TRIM33: variants seen among roughly 807,000 people sequenced by gnomAD.
TRIM33 encodes tripartite motif containing 33, also known as E3 ubiquitin-protein ligase TRIM33.
A neutral mutation model predicts 125.4 loss-of-function variants in TRIM33; 20 were observed. The ratio of observed to expected loss-of-function variants is 0.16; its 90% CI spans 0.11 to 0.23. The LOEUF is 0.23. Ranked by LOEUF, TRIM33 falls within the 10% of genes least tolerant of loss-of-function variation. The probability of loss-of-function intolerance (pLI) is 1.00; values close to 1 mark genes in which losing one functional copy is unlikely to be tolerated. For missense variants in TRIM33, 920 were observed against 1,411.4 expected, an observed-to-expected ratio of 0.65 and a Z score of 5.58; for synonymous variants, 564 against 513.9, an observed-to-expected ratio of 1.10 and a Z score of -1.32.
At chr1:114,408,277 C>A (rs1652375277) in intron 13 of TRIM33, among the ~76,000 whole-genome samples, 1 of 152,040 alleles carries the variant, frequency 6.6e-6, no homozygotes, top group South Asian at 2.1e-4. Flanking sequence ...AGCTTATTTG[C>A]ATCTGATTCA....
chr1:114,490,113 A>AG (rs1557898466), intron 1 of TRIM33, among the ~76,000 whole-genome samples: 17 of 148,414 alleles, frequency 1.1e-4, no homozygotes, highest in African/African-American at 4.2e-4. Context: ...AAGAAAAGGA[A>AG]AGGAAAGAAA....
chr1:114,431,347 T>A (rs1332659729), intron 5 of TRIM33, among the ~76,000 whole-genome samples: 1 of 152,242 alleles, frequency 6.6e-6, no homozygotes, highest in Non-Finnish European at 1.5e-5. Context: ...TAGAAGCATT[T>A]ATTTTCATTT....
chr1:114,445,795 T>C (rs546267659), intron 4 of TRIM33, among the ~76,000 whole-genome samples: 9 of 152,316 alleles, frequency 5.9e-5, no homozygotes, highest in African/African-American at 1.7e-4. Context: ...ATCTTTTCAA[T>C]GTTGAAAGAA....
intron 10 of TRIM33, among the ~76,000 whole-genome samples, chr1:114,423,182 C>T (rs1011493928): frequency 2.6e-5 from 4 of 152,026 alleles, no homozygotes; most frequent in African/African-American, 7.3e-5. Flanking sequence ...GGAGATATAA[C>T]GATAATTTGG....
At chr1:114,466,463 C>T (rs946397977) in intron 1 of TRIM33, among the ~76,000 whole-genome samples, 3 of 152,190 alleles carry the variant, frequency 2.0e-5, no homozygotes, top group African/African-American at 7.2e-5. Context: ...GGGAGATGAC[C>T]TCTGAGCCCG....
intron 1 of TRIM33, among the ~76,000 whole-genome samples, chr1:114,469,538 T>C (rs1358209854): frequency 1.3e-5 from 2 of 152,188 alleles, no homozygotes; most frequent in Non-Finnish European, 2.9e-5. Flanking sequence ...TTCACTGGCA[T>C]CTGTAAGATA....
intron 4 of TRIM33, among the ~76,000 whole-genome samples, chr1:114,448,242 A>AT (rs1262684073): frequency 6.6e-6 from 1 of 152,186 alleles, no homozygotes; most frequent in Non-Finnish European, 1.5e-5. Context: ...TTCATCTAAG[A>AT]TAACAGAAAT....
At chr1:114,409,852 C>T (rs1449900225) in intron 12 of TRIM33, among the ~76,000 whole-genome samples, 6 of 152,138 alleles carry the variant, frequency 3.9e-5, no homozygotes, top group African/African-American at 1.4e-4. Flanking sequence ...TTCCATAATG[C>T]AAGTGGGCCT....
At chr1:114,484,270 CT>C (rs1382093072) in intron 1 of TRIM33, among the ~76,000 whole-genome samples, 1 of 152,108 alleles carries the variant, frequency 6.6e-6, no homozygotes, top group Non-Finnish European at 1.5e-5. Flanking sequence ...TTCTTTTATA[CT>C]GTTTGAAACT....
At chr1:114,495,270 T>C (rs1167616315) in intron 1 of TRIM33, among the ~76,000 whole-genome samples, 1 of 152,146 alleles carries the variant, frequency 6.6e-6, no homozygotes, top group East Asian at 1.9e-4. Flanking sequence ...ACTCTCAATG[T>C]CTTATACTAG....
At chr1:114,432,110 GT>G (rs1041808908) in intron 5 of TRIM33, among the ~76,000 whole-genome samples, 1 of 152,092 alleles carries the variant, frequency 6.6e-6, no homozygotes, top group Admixed American at 6.5e-5. Context: ...TTTTAATACT[GT>G]TTTTTTAAAA....
intron 4 of TRIM33, among the ~76,000 whole-genome samples, chr1:114,442,779 T>C (rs1165187356): frequency 1.3e-5 from 2 of 151,866 alleles, no homozygotes; most frequent in African/African-American, 4.8e-5. Flanking sequence ...CAAAGGTTCT[T>C]TTAAAGCTAT....
At chr1:114,427,950 A>G in intron 6 of TRIM33, 56 bp from the exon 7 acceptor site, 1 of 1,589,116 alleles carries the variant, frequency 6.3e-7, no homozygotes, top group South Asian at 1.1e-5. Flanking sequence ...AATCAACCCC[A>G]CATTTCTAAT....
rs758039539 is a variant in TRIM33 at position 114,510,969 on chromosome 1, C to A, written c.108G>T (p.Pro36=). 15 of 1,374,980 alleles carry A rather than the reference C, an allele frequency of 1.1e-5. No individual in the cohort carries two copies. The South Asian group carries it at 2.5e-4, about 23-fold the overall frequency. The allele number at this position is 1,374,980 out of a possible 1,614,324, so 85.2% of individuals were successfully genotyped here. ...AAGPAAQEAE[P]PLTAVLVEEE... is the part of the protein sequence containing the mutation. The stretch of plus-strand genomic sequence containing the variant: ...CCTCCACCAGCACCGCGGTGAGAGG[C>A]GGCTCCGCCTCCTGCGCGGCGGGCC... The change falls in exon 1 of 20, where the codon CCG becomes CCT. Residue 36 remains proline (P), a synonymous_variant. Coordinates refer to ENST00000358465, the MANE Select transcript of TRIM33 (RefSeq NM_015906.4).
chr1:114,495,512 C>T (rs1056488568), intron 1 of TRIM33, among the ~76,000 whole-genome samples: 2 of 152,092 alleles, frequency 1.3e-5, no homozygotes, highest in African/African-American at 2.4e-5. Flanking sequence ...TAAGATAACA[C>T]GAAAAAGTTT....
intron 1 of TRIM33, among the ~76,000 whole-genome samples, chr1:114,487,812 G>A (rs888620059): frequency 6.7e-6 from 1 of 149,444 alleles, no homozygotes; most frequent in Non-Finnish European, 1.5e-5. Flanking sequence ...CAGGAGAATG[G>A]CGTGAACCCG....
At chr1:114,467,812 T>C (rs1650395308) in intron 1 of TRIM33, among the ~76,000 whole-genome samples, 1 of 152,238 alleles carries the variant, frequency 6.6e-6, no homozygotes, top group Non-Finnish European at 1.5e-5. Flanking sequence ...TCTTTTCATT[T>C]AGCCCTAGCT....
chr1:114,509,281 C>T (rs1653193172), intron 1 of TRIM33, among the ~76,000 whole-genome samples: 1 of 152,184 alleles, frequency 6.6e-6, no homozygotes, highest in Admixed American at 6.5e-5. Flanking sequence ...ACCTACAGTC[C>T]CGAAATTCAA....
rs573681532 is a variant in TRIM33, at chr1:114,487,903, CAAAAAAAAAAAAAA to C, written c.526+22634_526+22647del. On this transcript the variant is annotated intron_variant, in intron 1 of 19. Transcript: ENST00000358465. Reference sequence around the variant, plus strand: ...TGGGCGACAGAGCGAGACTCCGTCTCAAAAAAAAAAAAAAAAAAAAAAAAAAATGAGAGTAAATA... The same window carrying C: ...TGGGCGACAGAGCGAGACTCCGTCTCAAAAAAAAAAAAATGAGAGTAAATA... 1.6e-4 allele frequency among the ~76,000 whole-genome samples: 6 copies of C among 36,634 alleles called. No individual in the cohort carries two copies. In the Admixed American group the frequency reaches 1.9e-3, roughly 11 times the overall value. The allele number at this position is 36,634 out of a possible 152,430, so 24.0% of individuals were successfully genotyped here. A position where few individuals can be genotyped will look rare whatever the true frequency, so the allele number is the denominator to read the frequency against.
Sources: allele counts gnomAD v4.1 joint callset (sites outside exome capture counted in the v4.1 genomes callset), GRCh38; gene constraint gnomAD v4.1.1; transcripts MANE v1.5; gene names NCBI Gene and HGNC (gene_info 2026-07-23, HGNC 2026-07-21).